Variants in EGFLAM observed in about 807,000 individuals in gnomAD.
EGFLAM encodes pikachurin.
In EGFLAM, 79 loss-of-function variants were observed where a neutral mutation model predicts 113.1. The ratio of observed to expected loss-of-function variants is 0.70; its 90% CI spans 0.58 to 0.84. EGFLAM has a LOEUF of 0.84. Ranked by LOEUF, EGFLAM falls within the 40% of genes least tolerant of loss-of-function variation. The pLI is 0.00. For missense variants in EGFLAM, 1,265 were observed against 1,291.6 expected, an observed-to-expected ratio of 0.98 and a Z score of 0.32; for synonymous variants, 504 against 487.6, an observed-to-expected ratio of 1.03 and a Z score of -0.44.
At chr5:38,341,889 G>A (rs534283259) in intron 3 of EGFLAM, among the ~76,000 whole-genome samples, 2 of 151,744 alleles carry the variant, frequency 1.3e-5, no homozygotes, top group Non-Finnish European at 2.9e-5. Flanking sequence ...GGCAGGTGCT[G>A]TACAGATTTA....
At chr5:38,384,189 G>A (rs1313901352) in intron 6 of EGFLAM, among the ~76,000 whole-genome samples, 1 of 152,084 alleles carries the variant, frequency 6.6e-6, no homozygotes, top group Non-Finnish European at 1.5e-5. Flanking sequence ...AGAAAAAAGA[G>A]GTAGAGTGCC....
At chr5:38,300,375 CTT>C (rs34070893) in intron 1 of EGFLAM, among the ~76,000 whole-genome samples, 3,630 of 140,520 alleles carry the variant, frequency 0.026, 106 homozygotes, top group African/African-American at 0.064. Context: ...ATCTCTCTCT[CTT>C]TTTTTTTTTT....
At chr5:38,281,737 T>C (rs1165718155) in intron 1 of EGFLAM, among the ~76,000 whole-genome samples, 1 of 152,158 alleles carries the variant, frequency 6.6e-6, no homozygotes, top group East Asian at 1.9e-4. Context: ...TTCCACATGA[T>C]TTACCACCTT....
At chr5:38,418,681 C>T (rs1033527920) in intron 12 of EGFLAM, among the ~76,000 whole-genome samples, 1 of 152,182 alleles carries the variant, frequency 6.6e-6, no homozygotes, top group Non-Finnish European at 1.5e-5. Flanking sequence ...AATTTGTGAT[C>T]GCTGTGCCAA....
At chr5:38,268,887 C>T (rs1417085012) in intron 1 of EGFLAM, among the ~76,000 whole-genome samples, 1 of 151,990 alleles carries the variant, frequency 6.6e-6, no homozygotes, top group Non-Finnish European at 1.5e-5. Flanking sequence ...AAAATTAATC[C>T]CTTTAAAAAA....
At chr5:38,461,774 A>T (rs1177573795) in intron 20 of EGFLAM, among the ~76,000 whole-genome samples, 2 of 152,156 alleles carry the variant, frequency 1.3e-5, no homozygotes, top group African/African-American at 4.8e-5. Flanking sequence ...ATAGGTTTGA[A>T]AAATAGCTTT....
chr5:38,292,923 C>T (rs1758371233), intron 1 of EGFLAM, among the ~76,000 whole-genome samples: 1 of 152,208 alleles, frequency 6.6e-6, no homozygotes, highest in South Asian at 2.1e-4. Context: ...TGTCTATTTT[C>T]TTCCCCATGG....
chr5:38,413,020 A>G (rs933110541), intron 11 of EGFLAM, among the ~76,000 whole-genome samples: 1 of 151,824 alleles, frequency 6.6e-6, no homozygotes, highest in Admixed American at 6.6e-5. Context: ...AATAGAACCC[A>G]TTATTACTAT....
chr5:38,286,597 G>A lies in EGFLAM; in HGVS notation c.97+27746G>A, dbSNP rs569645491. On this transcript the variant is annotated intron_variant, in intron 1 of 21. Transcript: ENST00000322350. ...GACTTCCTGCCAGGAATGAGGTTTT[G>A]TCAGGGCATGGAAAGCCCTAGGTAG... is the stretch of plus-strand genomic sequence containing the variant. 1.3e-4 allele frequency among the ~76,000 whole-genome samples: 20 copies of A among 152,292 alleles called. No homozygotes were observed. The South Asian group carries it at 3.9e-3, about 30-fold the overall frequency.
At chr5:38,407,331 T>C (rs1251471433) in intron 8 of EGFLAM, among the ~76,000 whole-genome samples, 185 bp downstream of exon 8, 2 of 152,248 alleles carry the variant, frequency 1.3e-5, no homozygotes, top group East Asian at 3.8e-4. Context: ...TGCTTCTAAG[T>C]AGACAGCAGC....
rs932864598 is a variant in EGFLAM at position 38,412,628 on chromosome 5, C to A, written c.1474C>A (p.Pro492Thr). 6.2e-7 allele frequency: 1 copy of A among 1,614,082 alleles called. No individual in the cohort carries two copies. The highest frequency in any genetic ancestry group is 8.5e-7 in the Non-Finnish European group (1 of 1,180,016). The change falls in exon 11 of 22, where the codon CCA becomes ACA. Residue 492 changes from proline (P) to threonine (T), a missense_variant. Physicochemically the swap from Pro to Thr is conservative, Grantham distance 38. Coordinates refer to ENST00000322350, the MANE Select transcript of EGFLAM (RefSeq NM_152403.4). ...NGLLQLNNGT[P>T]VTGQSQGQYS... ...GCTGCTGCAGCTGAACAATGGCACCCCAGTGACAGGCCAGTCTCAGGTATG... is the reference window on the plus strand; with the variant it reads ...GCTGCTGCAGCTGAACAATGGCACCACAGTGACAGGCCAGTCTCAGGTATG...
chr5:38,345,251 G>A (rs543687089), intron 3 of EGFLAM: 105 of 152,298 alleles, frequency 6.9e-4, no homozygotes, highest in African/African-American at 2.4e-3. Flanking sequence ...TGACCTCTTA[G>A]AGTTGTTGTG....
intron 5 of EGFLAM, among the ~76,000 whole-genome samples, chr5:38,362,260 C>T (rs1029074536): frequency 6.6e-6 from 1 of 152,116 alleles, no homozygotes; most frequent in Non-Finnish European, 1.5e-5. Flanking sequence ...CTTGAAAGTT[C>T]CTACTGTGAT....
At chr5:38,271,550 C>T (rs10512679) in intron 1 of EGFLAM, among the ~76,000 whole-genome samples, 29,181 of 152,046 alleles carry the variant, frequency 0.19, 2,914 homozygotes, top group Middle Eastern at 0.21. Context: ...TTTGCTATTC[C>T]ATAGACCTCC....
chr5:38,311,903 A>G (rs1344259491), intron 1 of EGFLAM, among the ~76,000 whole-genome samples: 3 of 152,238 alleles, frequency 2.0e-5, no homozygotes, highest in Non-Finnish European at 4.4e-5. Flanking sequence ...AGAGGAAAAA[A>G]GAGAGAAGTA....
At chr5:38,453,244 T>C (rs1451506175) in intron 19 of EGFLAM, among the ~76,000 whole-genome samples, 1 of 152,212 alleles carries the variant, frequency 6.6e-6, no homozygotes, top group Non-Finnish European at 1.5e-5. Flanking sequence ...GGACTTCTAC[T>C]TCTTAATTCA....
At chr5:38,424,655 C>A (rs1266451267) in intron 12 of EGFLAM, among the ~76,000 whole-genome samples, 2 of 152,188 alleles carry the variant, frequency 1.3e-5, no homozygotes, top group Non-Finnish European at 2.9e-5. Flanking sequence ...TGAATTAAAG[C>A]AGAAACAGCT....
At chr5:38,314,833 G>A (rs1738548277) in intron 1 of EGFLAM, among the ~76,000 whole-genome samples, 1 of 152,206 alleles carries the variant, frequency 6.6e-6, no homozygotes, top group Non-Finnish European at 1.5e-5. Context: ...GAAGGAGCTT[G>A]AACAGTAAGC....
At chr5:38,446,157 G>C (rs1224555457) in intron 17 of EGFLAM, among the ~76,000 whole-genome samples, 1 of 152,128 alleles carries the variant, frequency 6.6e-6, no homozygotes, top group African/African-American at 2.4e-5. Flanking sequence ...TCCCTTCCCA[G>C]CCATGGTGTC....
Sources: allele counts gnomAD v4.1 joint callset (sites outside exome capture counted in the v4.1 genomes callset), GRCh38; gene constraint gnomAD v4.1.1; transcripts MANE v1.5; gene names NCBI Gene and HGNC (gene_info 2026-07-23, HGNC 2026-07-21).